TXNRD2: variants seen among roughly 807,000 people sequenced by gnomAD.
TXNRD2 encodes thioredoxin reductase 2.
Under a neutral mutation model 70.8 loss-of-function variants are expected in TXNRD2, and 67 were observed. The ratio of observed to expected loss-of-function variants is 0.95; its 90% CI spans 0.78 to 1.16. The LOEUF is 1.16. TXNRD2 is among the 50% of genes most tolerant of loss of function. The pLI, the probability that TXNRD2 is intolerant of heterozygous loss-of-function variation, is 0.00. For missense variants in TXNRD2, 644 were observed against 719.9 expected (o/e 0.89, Z 1.21); for synonymous variants, 301 against 295.8 (o/e 1.02, Z -0.18).
At chr22:19,900,241 C>T (rs1365751060) in intron 8 of TXNRD2, among the ~76,000 whole-genome samples, 5 of 152,090 alleles carry the variant, frequency 3.3e-5, no homozygotes, top group Admixed American at 1.3e-4. Flanking sequence ...CCCTGGGACC[C>T]CCAGCCAAGC....
At chr22:19,941,592 G>T in intron 1 of TXNRD2, 109 bp downstream of exon 1, 1 of 1,335,566 alleles carries the variant, frequency 7.5e-7, no homozygotes, top group Non-Finnish European at 9.5e-7. Context: ...GGACACCCCC[G>T]CGTGGGCACC....
At chr22:19,880,374 G>T in intron 13 of TXNRD2, 103 bp from the exon 14 acceptor site, 1 of 1,244,252 alleles carries the variant, frequency 8.0e-7, no homozygotes, top group Non-Finnish European at 1.1e-6. Flanking sequence ...AGGACCAGAT[G>T]CGCCCAGAGC....
At chr22:19,901,174 C>T (rs571719265) in intron 8 of TXNRD2, among the ~76,000 whole-genome samples, 2 of 152,352 alleles carry the variant, frequency 1.3e-5, no homozygotes, top group South Asian at 2.1e-4. Flanking sequence ...ACCTCCTACA[C>T]GATGCTGACC....
chr22:19,920,690 G>T (rs1012594138), intron 2 of TXNRD2, among the ~76,000 whole-genome samples: 3 of 152,072 alleles, frequency 2.0e-5, no homozygotes, highest in East Asian at 3.9e-4. Flanking sequence ...CCTTGGACTT[G>T]ACTGCCTCCC....
intron 2 of TXNRD2, among the ~76,000 whole-genome samples, chr22:19,925,239 G>T (rs542040795): frequency 2.6e-5 from 4 of 151,796 alleles, no homozygotes; most frequent in Non-Finnish European, 4.4e-5. Context: ...AGCTGAGATC[G>T]CACCACTGCA....
chr22:19,876,505 C>A (rs1486159845), intron 17 of TXNRD2: 1 of 152,348 alleles, frequency 6.6e-6, no homozygotes, highest in African/African-American at 2.4e-5. Flanking sequence ...ACATGCCCCC[C>A]GGTCAGCCTG....
rs202091972 is a variant in TXNRD2 at position 19,918,987 on chromosome 22, C to T, written c.247G>A (p.Gly83Ser). 9 of 1,611,064 alleles carry T rather than the reference C, an allele frequency of 5.6e-6. No homozygotes were observed. Among genetic ancestry groups the T allele is most frequent in the South Asian group, 3.3e-5 (3 of 91,044 alleles). Residue 83 changes from glycine (G) to serine (S), a missense_variant, in exon 4 of 18, where the codon GGC becomes AGC. Transcript: ENST00000400521. ...PSPQGTRWGL[G>S]GTCVNVGCIP... ...CAGCCCACGTTGACGCAGGTGCCGC[C>T]GAGGCCCCACCGGGTGCCTGGGACG...
intron 11 of TXNRD2, chr22:19,894,969 CAAAAAAAAA>C: frequency 7.9e-7 from 1 of 1,271,624 alleles, no homozygotes; most frequent in Non-Finnish European, 1.0e-6. Flanking sequence ...GACTCCATCT[CAAAAAAAAA>C]AAAAAAAAGA....
At chr22:19,916,810 T>C (rs1180040841) in intron 5 of TXNRD2, among the ~76,000 whole-genome samples, 1 of 151,928 alleles carries the variant, frequency 6.6e-6, no homozygotes, top group African/African-American at 2.4e-5. Flanking sequence ...AATAAAACTA[T>C]GTTGCTCAGG....
intron 11 of TXNRD2, among the ~76,000 whole-genome samples, chr22:19,890,806 C>G (rs899856206): frequency 1.3e-5 from 2 of 152,222 alleles, no homozygotes; most frequent in Non-Finnish European, 2.9e-5. Context: ...AGCCATCAGC[C>G]GAGCACAGCT....
rs1941726194 is a variant in TXNRD2, at chr22:19,941,730, C to G, written c.74G>C (p.Gly25Ala). 1.3e-6 allele frequency: 2 copies of G among 1,489,588 alleles called. No individual in the cohort carries two copies. The highest frequency in any genetic ancestry group is 1.5e-5 in the African/African-American group (1 of 68,440). 92.3% of individuals were successfully genotyped at this position (1,489,588 alleles called of 1,614,324 possible). A position where few individuals can be genotyped will look rare whatever the true frequency, so the allele number is the denominator to read the frequency against. Residue 25 changes from glycine to alanine, a missense_variant, in exon 1 of 18, where the codon GGG (glycine) becomes GCG (alanine). By Grantham distance (60) the Gly-to-Ala change is moderately conservative. Around this residue, in one of 3 missense-constraint regions of TXNRD2, gnomAD observed 71 missense variants for 53.6 expected, o/e 1.33. Coordinates refer to ENST00000400521, the MANE Select transcript of TXNRD2 (RefSeq NM_006440.5). The part of the protein sequence containing the change: ...FRWRTQAVAG[G>A]VRGAARGAAA... ...TGCGCCCCGCGCCGCGCCCCGCACC[C>G]CGCCCGCCACGGCCTGCGTCCGCCA...
At chr22:19,902,001 C>A (rs1034566408) in intron 8 of TXNRD2, among the ~76,000 whole-genome samples, 11 of 152,154 alleles carry the variant, frequency 7.2e-5, no homozygotes, top group Non-Finnish European at 1.5e-4. Context: ...GAGTTCAAGA[C>A]CAGCCTGAGC....
rs776896078 is a variant in TXNRD2 at position 19,918,179 on chromosome 22, G to A, written c.413C>T (p.Ser138Phe). ...MAEAVQNHVK[S>F]LNWGHRVQLQ... ...CTGGACACGGTGGCCCCAGTTCAAGGATTTCACGTGATTTTGAACAGCTTC... is the reference window on the plus strand; with the variant it reads ...CTGGACACGGTGGCCCCAGTTCAAGAATTTCACGTGATTTTGAACAGCTTC... The change falls in exon 5 of 18, where the codon TCC becomes TTC. Residue 138 changes from serine (S) to phenylalanine (F), a missense_variant. Transcript: ENST00000400521. 8 of 1,614,062 alleles carry A rather than the reference G, an allele frequency of 5.0e-6. No individual in the cohort carries two copies. The highest frequency in any genetic ancestry group is 6.8e-6 in the Non-Finnish European group (8 of 1,180,046).
intron 15 of TXNRD2, 71 bp downstream of exon 15, chr22:19,878,295 G>T: frequency 1.9e-6 from 3 of 1,599,530 alleles, no homozygotes; most frequent in Admixed American, 1.7e-5. Context: ...CAGTCCTCGG[G>T]TGTTCACCCT....
At chr22:19,916,794 T>G (rs7289375) in intron 5 of TXNRD2, among the ~76,000 whole-genome samples, 4,924 of 150,854 alleles carry the variant, frequency 0.033, 284 homozygotes, top group African/African-American at 0.11. Flanking sequence ...TTTGTAGGGA[T>G]GTAGCAATAA....
intron 11 of TXNRD2, among the ~76,000 whole-genome samples, chr22:19,885,083 G>A (rs2145943833): frequency 6.6e-6 from 1 of 152,278 alleles, no homozygotes; most frequent in Admixed American, 6.5e-5. Flanking sequence ...ACACAGCCTG[G>A]GGCCCGGAGA....
intron 11 of TXNRD2, among the ~76,000 whole-genome samples, chr22:19,892,202 A>G (rs971007617): frequency 3.3e-5 from 5 of 152,272 alleles, no homozygotes; most frequent in Non-Finnish European, 2.9e-5. Context: ...AGAGTGGATC[A>G]TCCTTTATTG....
At chr22:19,888,683 G>A (rs73383847) in intron 11 of TXNRD2, among the ~76,000 whole-genome samples, 1,699 of 152,132 alleles carry the variant, frequency 0.011, 36 homozygotes, top group African/African-American at 0.039. Flanking sequence ...GATGCGAGGC[G>A]GGCACGGCTT....
At chr22:19,933,305 A>G (rs1465927788) in intron 1 of TXNRD2, 5 of 484,892 alleles carry the variant, frequency 1.0e-5, no homozygotes, top group Non-Finnish European at 1.1e-5. Flanking sequence ...ATAAGTCTAG[A>G]GAACCAAGGA....
Sources: allele counts gnomAD v4.1 joint callset (sites outside exome capture counted in the v4.1 genomes callset), GRCh38; gene constraint gnomAD v4.1.1; regional missense constraint gnomAD v4.1.1; transcripts MANE v1.5; gene names NCBI Gene and HGNC (gene_info 2026-07-23, HGNC 2026-07-21).